Variants in SVIL observed in about 807,000 individuals in gnomAD.
SVIL encodes the protein supervillin, also known as archvillin.
A neutral mutation model predicts 240.4 loss-of-function variants in SVIL; 101 were observed. The ratio of observed to expected loss-of-function variants is 0.42; its 90% CI spans 0.36 to 0.50. The LOEUF is 0.50. SVIL is among the 20% of genes least tolerant of loss of function. The pLI is 0.01. For synonymous variants in SVIL, 999 were observed against 1,100.0 expected (o/e 0.91, Z 1.82); for missense variants, 2,512 against 2,818.7 (o/e 0.89, Z 2.46).
At chr10:29,474,897 T>G (rs1210659098) in intron 29 of SVIL, among the ~76,000 whole-genome samples, 1 of 152,224 alleles carries the variant, frequency 6.6e-6, no homozygotes, top group Non-Finnish European at 1.5e-5. Context: ...GAGCATAAAC[T>G]AATCTGGATT....
rs1344211480 is a variant in SVIL at position 29,473,923 on chromosome 10, A to G, written c.5444T>C (p.Phe1815Ser). Residue 1815 changes from phenylalanine (F) to serine (S), a missense_variant, in exon 30 of 38, where the codon TTC (phenylalanine) becomes TCC (serine). Coordinates refer to ENST00000355867, the MANE Select transcript of SVIL (RefSeq NM_021738.3). Reference protein sequence around the residue: ...AAGKEKCVYFFWQGRHSTVSE... With the variant: ...AAGKEKCVYFSWQGRHSTVSE... ...CACGGTGGAGTGCCGGCCTTGCCAG[A>G]AGAAGTAGACGCACTTCTCTTTGCC... 1 of 1,614,022 alleles carries G rather than the reference A, an allele frequency of 6.2e-7. No homozygotes were observed. Among genetic ancestry groups the G allele is most frequent in the Non-Finnish European group, 8.5e-7 (1 of 1,179,994 alleles).
At chr10:29,516,386 C>T (rs7895578) in intron 16 of SVIL, among the ~76,000 whole-genome samples, 21,899 of 152,090 alleles carry the variant, frequency 0.14, 2,224 homozygotes, top group African/African-American at 0.29. Flanking sequence ...GAAAATAACA[C>T]GCACTAAAAC....
chr10:29,526,253 C>T (rs1055219049), intron 13 of SVIL, among the ~76,000 whole-genome samples: 1 of 151,118 alleles, frequency 6.6e-6, no homozygotes, highest in Non-Finnish European at 1.5e-5. Context: ...AGCATTTCAA[C>T]ATTCAGGTTA....
chr10:29,599,403 C>G (rs1794519939), intron 1 of SVIL, among the ~76,000 whole-genome samples: 1 of 150,574 alleles, frequency 6.6e-6, no homozygotes, highest in Non-Finnish European at 1.5e-5. Context: ...TTTGTTCAGT[C>G]TTGCCTTTTT....
intron 1 of SVIL, chr10:29,576,090 G>A: frequency 3.0e-6 from 3 of 985,152 alleles, no homozygotes; most frequent in Non-Finnish European, 3.6e-6. Context: ...GAGCAATCTG[G>A]TACCTGACTT....
chr10:29,728,210 A>G (rs1964405197), intron 1 of SVIL, among the ~76,000 whole-genome samples: 1 of 152,188 alleles, frequency 6.6e-6, no homozygotes, highest in Admixed American at 6.5e-5. Context: ...TGAAAAAGAA[A>G]AAAAAAGCCA....
chr10:29,693,107 A>C (rs1211164403), intron 1 of SVIL, among the ~76,000 whole-genome samples: 1 of 152,094 alleles, frequency 6.6e-6, no homozygotes, highest in Non-Finnish European at 1.5e-5. Flanking sequence ...CCATATGTTA[A>C]CTCACCTAAC....
chr10:29,499,983 C>T (rs1948747651), intron 17 of SVIL, among the ~76,000 whole-genome samples: 1 of 152,174 alleles, frequency 6.6e-6, no homozygotes, highest in African/African-American at 2.4e-5. Flanking sequence ...CTGCTTCTTC[C>T]ATTTCCAAGC....
At chr10:29,519,241 A>G (rs1309561647) in intron 16 of SVIL, among the ~76,000 whole-genome samples, 1 of 152,210 alleles carries the variant, frequency 6.6e-6, no homozygotes, top group Non-Finnish European at 1.5e-5. Flanking sequence ...TGGTTAGAGC[A>G]CACGGGGTTG....
chr10:29,635,457 C>G (rs1958277093), upstream of SVIL, among the ~76,000 whole-genome samples: 1 of 152,130 alleles, frequency 6.6e-6, no homozygotes, highest in African/African-American at 2.4e-5. Context: ...GAAAATGAAT[C>G]ATCAGAAGAA....
chr10:29,554,634 G>C, intron 5 of SVIL, 149 bp downstream of exon 5: 1 of 1,038,394 alleles, frequency 9.6e-7, no homozygotes, highest in Non-Finnish European at 1.3e-6. Context: ...CAGCCTGTGT[G>C]ACAGAGTGAA....
At chr10:29,528,027 C>A (rs550079110) in intron 12 of SVIL, among the ~76,000 whole-genome samples, 1 of 152,236 alleles carries the variant, frequency 6.6e-6, no homozygotes, top group African/African-American at 2.4e-5. Context: ...CTGCACCCGG[C>A]CTCAATCTAC....
chr10:29,529,264 G>A (rs1277832898), intron 12 of SVIL, among the ~76,000 whole-genome samples: 1 of 151,820 alleles, frequency 6.6e-6, no homozygotes, highest in African/African-American at 2.4e-5. Flanking sequence ...TTTTAGAGGG[G>A]CGTACTGGGA....
intron 3 of SVIL, among the ~76,000 whole-genome samples, chr10:29,650,347 G>C (rs1392949314): frequency 3.3e-5 from 5 of 152,242 alleles, no homozygotes; most frequent in African/African-American, 1.2e-4. Flanking sequence ...AGAGCCGTGG[G>C]CAATGCACTT....
At position 29,599,745 on chromosome 10, in the gene SVIL, G is replaced by A. The variant is rs1956742158; in HGVS notation, c.-200-30433C>T. On this transcript the variant is annotated intron_variant, in intron 1 of 37. Transcript: ENST00000355867. ...CTTAAAACTTTGTGCAGTCCTCCAG[G>A]GAGAAGCAAAAATAACAAAATCAAT... Among the ~76,000 whole-genome samples the A allele has an allele frequency of 3.3e-5, 5 of 152,034 alleles. No individual in the cohort carries two copies. The South Asian group carries it at 1.0e-3, about 31-fold the overall frequency.
rs1342789344 is a variant in SVIL at position 29,486,172 on chromosome 10, G to A, written c.4692C>T (p.Cys1564=). 6.2e-7 allele frequency: 1 copy of A among 1,614,186 alleles called. No homozygotes were observed. Among genetic ancestry groups the A allele is most frequent in the South Asian group, 1.1e-5 (1 of 91,086 alleles). The change falls in exon 26 of 38, where the codon TGC becomes TGT. Residue 1564 remains cysteine (C), a synonymous_variant. Transcript: ENST00000355867. ...LYEAAIIETN[C]IYRLMDDKLV... ...GTTTGTCATCCATGAGACGGTAAAT[G>A]CAGTTAGTTTCTATTATGGCTGCTT... is the stretch of plus-strand genomic sequence containing the variant.
intron 1 of SVIL, among the ~76,000 whole-genome samples, chr10:29,588,908 C>G (rs1170798361): frequency 6.6e-6 from 1 of 151,910 alleles, no homozygotes; most frequent in Admixed American, 6.6e-5. Context: ...CTTCCTACCT[C>G]CCCCACCCCC....
At chr10:29,490,125 G>A (rs184422077) in intron 22 of SVIL, among the ~76,000 whole-genome samples, 6 of 152,036 alleles carry the variant, frequency 3.9e-5, no homozygotes, top group Middle Eastern at 3.4e-3. Flanking sequence ...CCATCTCCTC[G>A]CCTCCATTCA....
chr10:29,622,998 T>A (rs778329346), intron 1 of SVIL, among the ~76,000 whole-genome samples: 17 of 152,134 alleles, frequency 1.1e-4, no homozygotes, highest in Non-Finnish European at 1.3e-4. Context: ...CCTACAAAAC[T>A]GTATCCAGTG....
Sources: gnomAD v4.1 joint callset for allele counts (sites outside exome capture counted in the v4.1 genomes callset) on GRCh38, gnomAD v4.1.1 for gene constraint, MANE v1.5 for transcripts, NCBI Gene and HGNC (gene_info 2026-07-23, HGNC 2026-07-21) for gene names.